LRRC9: variants seen among roughly 807,000 people sequenced by gnomAD.
LRRC9 encodes the protein leucine-rich repeat-containing protein 9.
LRRC9 carries 122 observed loss-of-function variants against 63.2 expected under a neutral mutation model. That is an observed-to-expected ratio of 1.93 (90% CI 1.67 to 2.24). LRRC9 has a LOEUF of 2.24. LRRC9 is among the 30% of genes most tolerant of loss of function. LRRC9 has a pLI of 0.00. For missense variants in LRRC9, 1,071 were observed against 627.7 expected (o/e 1.71, Z -7.55); for synonymous variants, 366 against 213.1 (o/e 1.72, Z -6.25).
intron 27 of LRRC9, among the ~76,000 whole-genome samples, chr14:60,026,554 G>T (rs1444791463): frequency 6.6e-6 from 1 of 151,928 alleles, no homozygotes; most frequent in Non-Finnish European, 1.5e-5. Flanking sequence ...TGTTTCCTTT[G>T]CTGTTCAGGA....
intron 8 of LRRC9, among the ~76,000 whole-genome samples, chr14:59,952,141 C>A (rs1251400423): frequency 6.6e-6 from 1 of 151,902 alleles, no homozygotes; most frequent in Non-Finnish European, 1.5e-5. Context: ...GCTGTGCTAG[C>A]AATCAGCGAG....
chr14:59,931,200 G>C (rs902228330), intron 4 of LRRC9, 142 bp downstream of exon 4: 1 of 295,184 alleles, frequency 3.4e-6, no homozygotes, highest in Non-Finnish European at 6.2e-6. Flanking sequence ...GAACTAACAT[G>C]TATATAGCAT....
chr14:59,993,205 C>T (rs1182796513), intron 17 of LRRC9, among the ~76,000 whole-genome samples: 2 of 152,088 alleles, frequency 1.3e-5, no homozygotes, highest in Non-Finnish European at 1.5e-5. Context: ...CATATCCAGC[C>T]AAACTAAGCT....
chr14:60,033,246 GATT>G (rs1364158022), intron 29 of LRRC9, among the ~76,000 whole-genome samples: 1 of 151,798 alleles, frequency 6.6e-6, no homozygotes, highest in Non-Finnish European at 1.5e-5. Flanking sequence ...TTTCTGTATA[GATT>G]ATTATCTGCA....
intron 1 of LRRC9, among the ~76,000 whole-genome samples, chr14:59,925,588 A>G (rs1889144851): frequency 6.6e-6 from 1 of 152,196 alleles, no homozygotes; most frequent in Non-Finnish European, 1.5e-5. Flanking sequence ...GACACATTCA[A>G]ACCGTAGCAT....
chr14:60,011,431 A>T (rs552912743), intron 23 of LRRC9, among the ~76,000 whole-genome samples: 25 of 152,302 alleles, frequency 1.6e-4, no homozygotes, highest in Admixed American at 1.5e-3. Flanking sequence ...ATCCATATCA[A>T]TGAGTATTAT....
rs1894061099 is a variant in LRRC9, at chr14:60,053,591, T to A, written c.4131+386T>A. The stretch of plus-strand genomic sequence containing the variant: ...AACTAACAATAAAACTATTTCCCTT[T>A]AGGCACACAGAAAGGGAAGGAAGGA... On this transcript the variant is annotated intron_variant, in intron 30 of 31. Transcript: ENST00000445360. The surrounding 1 kb of genome is among the most constrained non-coding windows in gnomAD (Gnocchi z 4.8). Among the ~76,000 whole-genome samples, 1 of 152,214 alleles carries A rather than the reference T, an allele frequency of 6.6e-6. No individual in the cohort carries two copies. Among genetic ancestry groups the A allele is most frequent in the African/African-American group, 2.4e-5 (1 of 41,454 alleles).
chr14:59,999,178 A>G (rs762325616), exon 19 of LRRC9: 1 of 701,768 alleles, frequency 1.4e-6, no homozygotes, highest in South Asian at 1.5e-5. Flanking sequence ...TTTCTGAAGA[A>G]GAAGCAACAG....
intron 27 of LRRC9, among the ~76,000 whole-genome samples, chr14:60,026,337 G>A (rs138700919): frequency 1.7e-4 from 26 of 152,142 alleles, no homozygotes; most frequent in Admixed American, 3.3e-4. Context: ...TATCTCATTT[G>A]TATTTCCCTT....
chr14:59,982,526 G>A (rs1594937386), intron 16 of LRRC9, among the ~76,000 whole-genome samples: 1 of 152,146 alleles, frequency 6.6e-6, no homozygotes, highest in Non-Finnish European at 1.5e-5. Flanking sequence ...GAAGGCAAGA[G>A]CAAGAGAGCC....
intron 12 of LRRC9, among the ~76,000 whole-genome samples, chr14:59,974,173 T>C (rs1478523118): frequency 6.6e-6 from 1 of 152,130 alleles, no homozygotes; most frequent in African/African-American, 2.4e-5. Flanking sequence ...ACAATGTAGA[T>C]TATTAGCCCC....
At chr14:59,931,502 G>A in intron 4 of LRRC9, 117 bp from the exon 5 acceptor site, 2 of 521,196 alleles carry the variant, frequency 3.8e-6, no homozygotes, top group South Asian at 5.9e-5. Flanking sequence ...TGTGCTTGTG[G>A]AGTACAAAGT....
intron 8 of LRRC9, among the ~76,000 whole-genome samples, chr14:59,956,244 T>C (rs541404111): frequency 1.3e-5 from 2 of 152,242 alleles, no homozygotes; most frequent in African/African-American, 4.8e-5. Flanking sequence ...GGTGTTAAGG[T>C]CTCCCACTAT....
chr14:59,974,596 C>T (rs776449551), exon 13 of LRRC9: 1 of 651,998 alleles, frequency 1.5e-6, no homozygotes, highest in South Asian at 1.7e-5. Flanking sequence ...AAAAAGAAGC[C>T]ATCATTGTTT....
chr14:60,031,977 T>C lies in LRRC9; in HGVS notation c.3922-18T>C. On this transcript the variant is annotated intron_variant, in intron 28 of 31. Transcript: ENST00000445360. The surrounding 1 kb of genome is among the most constrained non-coding windows in gnomAD (Gnocchi z 4.6). ...TGAGTCTAACCAAATAATAACTTAC[T>C]GATTAACTTTTGAATAGGATATCAC... 2.9e-6 allele frequency: 2 copies of C among 696,278 alleles called. No homozygotes were observed. The highest frequency in any genetic ancestry group is 1.8e-5 in the African/African-American group (1 of 57,054). The allele number at this position is 696,278 out of a possible 1,614,324, so 43.1% of individuals were successfully genotyped here. A position where few individuals can be genotyped will look rare whatever the true frequency, so the allele number is the denominator to read the frequency against.
intron 13 of LRRC9, among the ~76,000 whole-genome samples, chr14:59,976,632 T>A (rs1354511310): frequency 6.6e-6 from 1 of 152,226 alleles, no homozygotes; most frequent in African/African-American, 2.4e-5. Flanking sequence ...TTCTGCTAGA[T>A]CCTTCTGGAA....
chr14:59,946,018 G>A (rs1004166327), intron 8 of LRRC9, among the ~76,000 whole-genome samples: 1 of 151,404 alleles, frequency 6.6e-6, no homozygotes, highest in Admixed American at 6.6e-5. Context: ...TAAAAATGCT[G>A]AGTTTTTGAC....
At chr14:59,984,028 G>C (rs764635659) in intron 16 of LRRC9, among the ~76,000 whole-genome samples, 1 of 152,216 alleles carries the variant, frequency 6.6e-6, no homozygotes, top group African/African-American at 2.4e-5. Flanking sequence ...TAACGGTGTG[G>C]CCTGTTTGAG....
At chr14:59,956,677 A>G (rs1883789714) in intron 8 of LRRC9, among the ~76,000 whole-genome samples, 1 of 152,212 alleles carries the variant, frequency 6.6e-6, no homozygotes, top group Admixed American at 6.5e-5. Context: ...TGATCCTGTC[A>G]TCATGATGCT....
Sources: gnomAD v4.1 joint callset for allele counts (sites outside exome capture counted in the v4.1 genomes callset) on GRCh38, gnomAD v4.1.1 for gene constraint, Gnocchi (gnomAD v3.1) non-coding constraint, MANE v1.5 for transcripts, NCBI Gene and HGNC (gene_info 2026-07-23, HGNC 2026-07-21) for gene names.